SORBS2: variants seen among roughly 807,000 people sequenced by gnomAD.
SORBS2 encodes the protein sorbin and SH3 domain containing 2.
Under a neutral mutation model 97.7 loss-of-function variants are expected in SORBS2, and 46 were observed. The observed-to-expected ratio is 0.47, with a 90% CI of 0.37 to 0.60. The LOEUF is 0.60. SORBS2 is among the 20% of genes least tolerant of loss of function. The pLI is 0.00. For synonymous variants in SORBS2, 476 were observed against 473.4 expected (o/e 1.01, Z -0.07); for missense variants, 1,316 against 1,282.3 (o/e 1.03, Z -0.40).
intron 2 of SORBS2, 147 bp from the exon 4 acceptor site, chr4:185,690,758 A>G: frequency 6.5e-6 from 3 of 459,924 alleles, no homozygotes; most frequent in Non-Finnish European, 1.2e-5. Flanking sequence ...ATAAGGTAGG[A>G]AGAATTTATA....
In SORBS2 at chr4:185,884,714, C is replaced by T. The variant is rs560274313; in HGVS notation, c.-338+71482G>A. The stretch of plus-strand genomic sequence containing the variant: ...CCACTTTCCTACAATGATCTCTCAA[C>T]TGCCTTTAGTTCTTGACTCCTAAGA... On this transcript the variant is annotated intron_variant, in intron 1 of 20. Transcript: ENST00000284776. 2.0e-5 allele frequency among the ~76,000 whole-genome samples: 3 copies of T among 152,336 alleles called. No individual in the cohort carries two copies. In the East Asian group the frequency reaches 5.8e-4, roughly 29 times the overall value.
At chr4:185,880,337 G>A (rs1245789546) in intron 1 of SORBS2, among the ~76,000 whole-genome samples, 1 of 152,214 alleles carries the variant, frequency 6.6e-6, no homozygotes, top group Non-Finnish European at 1.5e-5. Flanking sequence ...GAGCATGAGA[G>A]GGGTGATATG....
At chr4:185,886,797 T>C (rs886695805) in intron 1 of SORBS2, among the ~76,000 whole-genome samples, 1 of 151,662 alleles carries the variant, frequency 6.6e-6, no homozygotes, top group African/African-American at 2.4e-5. Flanking sequence ...TCATTTAGCC[T>C]GGAACAGACT....
At chr4:185,762,452 C>A (rs993568063) in intron 2 of SORBS2, among the ~76,000 whole-genome samples, 4 of 150,342 alleles carry the variant, frequency 2.7e-5, no homozygotes, top group Non-Finnish European at 4.4e-5. Flanking sequence ...GAGATTTAGA[C>A]GAGAGGGACA....
Position 185,653,679 on chromosome 4 carries a change from C to T in SORBS2, c.25-951G>A, listed in dbSNP as rs574938626. ...CTCAATAAATAATAACACTAGGGAA[C>T]TGCAAATATTTGTAGAATGAAATAA... On this transcript the variant is annotated intron_variant, in intron 1 of 14. Transcript: ENST00000418609. Among the ~76,000 whole-genome samples the T allele has an allele frequency of 1.6e-4, 25 of 152,294 alleles. 1 individual carries two copies. In the South Asian group the frequency reaches 4.1e-3, roughly 25 times the overall value.
intron 12 of SORBS2, among the ~76,000 whole-genome samples, chr4:185,600,961 C>T (rs1051337575): frequency 1.3e-5 from 2 of 151,872 alleles, no homozygotes; most frequent in Non-Finnish European, 2.9e-5. Context: ...AGTAAGCTGA[C>T]CTTCTTTTGT....
intron 1 of SORBS2, among the ~76,000 whole-genome samples, chr4:185,802,103 C>A (rs772200439): frequency 3.3e-5 from 5 of 152,238 alleles, no homozygotes; most frequent in African/African-American, 7.2e-5. Flanking sequence ...AACTTCAATT[C>A]TCTGAGCAAT....
At chr4:185,906,752 A>T (rs1337014390) in intron 1 of SORBS2, among the ~76,000 whole-genome samples, 4 of 152,186 alleles carry the variant, frequency 2.6e-5, no homozygotes, top group Non-Finnish European at 5.9e-5. Flanking sequence ...GAAAAGACAA[A>T]GATCTTTCTT....
intron 2 of SORBS2, chr4:185,771,038 T>G (rs527325253): frequency 2.2e-5 from 3 of 138,420 alleles, no homozygotes; most frequent in Non-Finnish European, 3.1e-5. Flanking sequence ...TGGAGTGCAA[T>G]GGTGGGATCT....
At chr4:185,804,071 C>T (rs1214803395) in intron 1 of SORBS2, among the ~76,000 whole-genome samples, 9 of 152,106 alleles carry the variant, frequency 5.9e-5, no homozygotes, top group Non-Finnish European at 1.0e-4. Flanking sequence ...GAAAAAGTCT[C>T]GATGACTTAA....
intron 1 of SORBS2, 55 bp from the exon 2 acceptor site, chr4:185,775,421 G>C (rs1016617183): frequency 6.6e-6 from 1 of 152,544 alleles, no homozygotes; most frequent in African/African-American, 2.4e-5. Context: ...AATCCCAGCT[G>C]CTGGGTGGTG....
In SORBS2 at chr4:185,878,046, T is replaced by G. The variant is rs138347403; in HGVS notation, c.-338+78150A>C. On this transcript the variant is annotated intron_variant, in intron 1 of 20. Coordinates refer to the SORBS2 transcript ENST00000284776. ...CATGTTCCACGGCTGTTAAAAGCCTTGAGGATTTTAGTACATATGATTAAG... is the reference window on the plus strand; with the variant it reads ...CATGTTCCACGGCTGTTAAAAGCCTGGAGGATTTTAGTACATATGATTAAG... 4.2e-3 allele frequency among the ~76,000 whole-genome samples: 647 copies of G among 152,240 alleles called. 4 individuals are homozygous for G. Among genetic ancestry groups the G allele is most frequent in the African/African-American group, 0.015 (615 of 41,548 alleles).
chr4:185,857,567 C>T (rs1266100573), intron 1 of SORBS2, among the ~76,000 whole-genome samples: 1 of 152,158 alleles, frequency 6.6e-6, no homozygotes, highest in South Asian at 2.1e-4. Flanking sequence ...GGAAAGATAA[C>T]CATAAGGTCT....
intron 2 of SORBS2, chr4:185,771,684 G>T (rs1254445468): frequency 6.6e-6 from 1 of 152,182 alleles, no homozygotes; most frequent in Non-Finnish European, 1.5e-5. Context: ...ATTTCAAAAT[G>T]AAATTTGATG....
chr4:185,681,517 A>G (rs2097866530), intron 2 of SORBS2, among the ~76,000 whole-genome samples: 1 of 152,148 alleles, frequency 6.6e-6, no homozygotes, highest in African/African-American at 2.4e-5. Flanking sequence ...ACACAAAGCT[A>G]GGACTAGGGG....
At chr4:185,848,597 A>G (rs190813648) in intron 1 of SORBS2, among the ~76,000 whole-genome samples, 2 of 142,802 alleles carry the variant, frequency 1.4e-5, no homozygotes, top group Admixed American at 1.4e-4. Context: ...CAGGTTTTAA[A>G]TGTTCTTTAT....
intron 1 of SORBS2, among the ~76,000 whole-genome samples, chr4:185,853,979 T>C (rs1348367077): frequency 6.6e-6 from 1 of 152,212 alleles, no homozygotes; most frequent in Non-Finnish European, 1.5e-5. Context: ...AGTTTAAGAA[T>C]AGTCTCTGAA....
chr4:185,690,664 C>A, intron 2 of SORBS2, 53 bp from the exon 4 acceptor site: 1 of 760,634 alleles, frequency 1.3e-6, no homozygotes, highest in Non-Finnish European at 2.1e-6. Flanking sequence ...AAGAAAATAT[C>A]ATGAAAGTGT....
intron 2 of SORBS2, 98 bp from the exon 11 acceptor site, chr4:185,651,926 A>T: frequency 1.4e-6 from 1 of 722,304 alleles, no homozygotes; most frequent in South Asian, 1.6e-5. Flanking sequence ...TTGTTAGAAA[A>T]GCAACGTATT....
Sources: gnomAD v4.1 joint callset for allele counts (sites outside exome capture counted in the v4.1 genomes callset) on GRCh38, gnomAD v4.1.1 for gene constraint, MANE v1.5 for transcripts, NCBI Gene and HGNC (gene_info 2026-07-23, HGNC 2026-07-21) for gene names.